Variants in TNFRSF19 observed in about 807,000 individuals in gnomAD.
TNFRSF19 encodes the protein tumor necrosis factor receptor superfamily member 19.
Under a neutral mutation model 46.4 loss-of-function variants are expected in TNFRSF19, and 27 were observed. That is an observed-to-expected ratio of 0.58 (90% CI 0.43 to 0.80). The LOEUF is 0.80. Among genes scored for constraint, TNFRSF19 ranks in the 30% least tolerant of loss-of-function variants. The probability of loss-of-function intolerance (pLI) is 0.00; values close to 1 mark genes in which losing one functional copy is unlikely to be tolerated. For missense variants in TNFRSF19, 511 were observed against 530.8 expected (o/e 0.96, Z 0.37); for synonymous variants, 204 against 205.0 (o/e 1.00, Z 0.04).
intron 1 of TNFRSF19, among the ~76,000 whole-genome samples, chr13:23,578,979 G>T (rs562748237): frequency 2.0e-5 from 3 of 152,390 alleles, no homozygotes; most frequent in African/African-American, 7.2e-5. Context: ...AGGCGCAGCA[G>T]CGCAGACCTG....
At chr13:23,576,096 A>G (rs952945487) in intron 1 of TNFRSF19, among the ~76,000 whole-genome samples, 2 of 151,756 alleles carry the variant, frequency 1.3e-5, no homozygotes, top group African/African-American at 4.8e-5. Flanking sequence ...AATTACAAGC[A>G]TCCAGTTTCA....
intron 3 of TNFRSF19, among the ~76,000 whole-genome samples, chr13:23,596,309 G>T (rs966583105): frequency 6.6e-6 from 1 of 152,100 alleles, no homozygotes; most frequent in African/African-American, 2.4e-5. Context: ...TGGCAAATTG[G>T]ATAAAGAGTC....
At chr13:23,660,140 G>A (rs747012500) in intron 6 of TNFRSF19, among the ~76,000 whole-genome samples, 5 of 152,170 alleles carry the variant, frequency 3.3e-5, no homozygotes, top group African/African-American at 4.8e-5. Flanking sequence ...ATGTCCCTGC[G>A]CCACTAGGCA....
chr13:23,587,360 A>G (rs2149499), intron 1 of TNFRSF19, among the ~76,000 whole-genome samples: 11,950 of 152,058 alleles, frequency 0.079, 691 homozygotes, highest in East Asian at 0.28. Context: ...CCACCAGCTA[A>G]ATTGTTTATT....
chr13:23,666,821 C>T (rs879837534), intron 7 of TNFRSF19, among the ~76,000 whole-genome samples: 1 of 152,140 alleles, frequency 6.6e-6, no homozygotes, highest in East Asian at 1.9e-4. Context: ...GACTTAGATG[C>T]AGGCAGGCCA....
chr13:23,645,394 T>A (rs1566208258), intron 5 of TNFRSF19, among the ~76,000 whole-genome samples: 1 of 151,746 alleles, frequency 6.6e-6, no homozygotes. Context: ...TAGAGACGGG[T>A]TTTCGCCATG....
intron 3 of TNFRSF19, among the ~76,000 whole-genome samples, chr13:23,600,180 T>G (rs1286640785): frequency 6.6e-6 from 1 of 152,222 alleles, no homozygotes; most frequent in Non-Finnish European, 1.5e-5. Flanking sequence ...CATTTTTCCA[T>G]TTCTGATTTC....
intron 3 of TNFRSF19, among the ~76,000 whole-genome samples, chr13:23,608,774 CT>C (rs1593252087): frequency 6.6e-6 from 1 of 152,204 alleles, no homozygotes; most frequent in East Asian, 1.9e-4. Flanking sequence ...GAATGATTAA[CT>C]TTCTTCCAGT....
intron 5 of TNFRSF19, among the ~76,000 whole-genome samples, chr13:23,640,505 A>G (rs1374081039): frequency 6.6e-6 from 1 of 152,176 alleles, no homozygotes; most frequent in Non-Finnish European, 1.5e-5. Flanking sequence ...GAGGGGAGGC[A>G]CCAGATGAGC....
intron 5 of TNFRSF19, among the ~76,000 whole-genome samples, chr13:23,631,350 G>T (rs1344709925): frequency 6.6e-6 from 1 of 152,170 alleles, no homozygotes; most frequent in Non-Finnish European, 1.5e-5. Flanking sequence ...ATTTTGAAAA[G>T]ATGAGCATAA....
At chr13:23,670,504 C>T (rs1479327374) in intron 9 of TNFRSF19, among the ~76,000 whole-genome samples, 1 of 152,194 alleles carries the variant, frequency 6.6e-6, no homozygotes, top group African/African-American at 2.4e-5. Context: ...AAGTATCTAC[C>T]TCTGAGCTCT....
At chr13:23,641,227 A>G (rs1883019493) in intron 5 of TNFRSF19, among the ~76,000 whole-genome samples, 1 of 152,252 alleles carries the variant, frequency 6.6e-6, no homozygotes, top group Admixed American at 6.5e-5. Flanking sequence ...AACATTTACC[A>G]TGATGACTTC....
chr13:23,676,076 T>C lies in TNFRSF19; in HGVS notation c.*2696T>C, dbSNP rs1207084899. On this transcript the variant is annotated 3_prime_UTR_variant, in exon 10 of 10. Coordinates refer to ENST00000248484, the MANE Select transcript of TNFRSF19 (RefSeq NM_148957.4). ...TACCTTTTTTATTTGTGAATAAAAT[T>C]ATCACCTGGTATTCTTATTTATGTG... 1.3e-5 allele frequency: 2 copies of C among 152,228 alleles called. No homozygotes were observed. Among genetic ancestry groups the C allele is most frequent in the African/African-American group, 4.8e-5 (2 of 41,458 alleles). The allele number at this position is 152,228 out of a possible 1,614,324, so 9.4% of individuals were successfully genotyped here. A position where few individuals can be genotyped will look rare whatever the true frequency, so the allele number is the denominator to read the frequency against.
At chr13:23,624,960 C>T (rs1881898240) in intron 4 of TNFRSF19, among the ~76,000 whole-genome samples, 1 of 151,946 alleles carries the variant, frequency 6.6e-6, no homozygotes, top group African/African-American at 2.4e-5. Flanking sequence ...CCATTTTGGC[C>T]AGGCTGGTCT....
intron 9 of TNFRSF19, among the ~76,000 whole-genome samples, chr13:23,671,177 C>T (rs948984863): frequency 6.6e-6 from 1 of 152,064 alleles, no homozygotes; most frequent in Admixed American, 6.5e-5. Context: ...CTTACTAACT[C>T]TTTTTCAAAG....
chr13:23,646,079 G>C (rs1883311485), intron 5 of TNFRSF19, among the ~76,000 whole-genome samples: 1 of 152,098 alleles, frequency 6.6e-6, no homozygotes, highest in Admixed American at 6.5e-5. Flanking sequence ...CAGCTGACAA[G>C]CCTCCATGAC....
At chr13:23,614,349 G>A (rs1881106903) in intron 3 of TNFRSF19, among the ~76,000 whole-genome samples, 1 of 152,226 alleles carries the variant, frequency 6.6e-6, no homozygotes, top group Non-Finnish European at 1.5e-5. Context: ...AGTTTATTAA[G>A]TACAGGCAGC....
intron 5 of TNFRSF19, among the ~76,000 whole-genome samples, chr13:23,647,427 G>A (rs1463878330): frequency 6.6e-6 from 1 of 152,080 alleles, no homozygotes; most frequent in Non-Finnish European, 1.5e-5. Flanking sequence ...TTTAGAGATG[G>A]AGTCTTGCTC....
At chr13:23,608,296 A>T (rs1593251723) in intron 3 of TNFRSF19, among the ~76,000 whole-genome samples, 1 of 152,246 alleles carries the variant, frequency 6.6e-6, no homozygotes, top group Admixed American at 6.5e-5. Flanking sequence ...TAACATAAAT[A>T]TGAGCTATCT....
Sources: allele counts gnomAD v4.1 joint callset (sites outside exome capture counted in the v4.1 genomes callset), GRCh38; gene constraint gnomAD v4.1.1; transcripts MANE v1.5; gene names NCBI Gene and HGNC (gene_info 2026-07-23, HGNC 2026-07-21).